The following PRICKLE2 variants were observed in gnomAD, a reference collection of about 807,000 sequenced individuals.
The protein encoded by PRICKLE2 is prickle planar cell polarity protein 2, also known as prickle-like protein 2.
A neutral mutation model predicts 81.4 loss-of-function variants in PRICKLE2; 21 were observed. That is an observed-to-expected ratio of 0.26 (90% CI 0.18 to 0.37). The LOEUF (loss-of-function observed/expected upper bound fraction) is 0.37. PRICKLE2 is among the 10% of genes least tolerant of loss of function. The pLI is 1.00. For synonymous variants in PRICKLE2, 456 were observed against 421.5 expected (o/e 1.08, Z -1.00); for missense variants, 940 against 1,109.0 (o/e 0.85, Z 2.16).
Position 64,098,951 on chromosome 3 carries a change from A to C in PRICKLE2, c.*100T>G. On this transcript the variant is annotated 3_prime_UTR_variant, in exon 8 of 8. Transcript: ENST00000638394. Reference sequence around the variant, plus strand: ...GACAGCATTTTCCCTTTTCTCCCCCATAAGCCACCCCCAAAAGCGCTTTAA... The same window carrying C: ...GACAGCATTTTCCCTTTTCTCCCCCCTAAGCCACCCCCAAAAGCGCTTTAA... 1 of 1,443,188 alleles carries C rather than the reference A, an allele frequency of 6.9e-7. No individual in the cohort carries two copies. Among genetic ancestry groups the C allele is most frequent in the African/African-American group, 1.4e-5 (1 of 71,356 alleles). 89.4% of individuals were successfully genotyped at this position (1,443,188 alleles called of 1,614,324 possible).
chr3:64,257,535 G>C (rs1377075922), intron 2 of PRICKLE2, among the ~76,000 whole-genome samples: 1 of 152,222 alleles, frequency 6.6e-6, no homozygotes, highest in East Asian at 1.9e-4. Context: ...AGGTGGCCCT[G>C]AGTGGGATGC....
intron 2 of PRICKLE2, among the ~76,000 whole-genome samples, chr3:64,167,635 T>C (rs1405634106): frequency 6.6e-6 from 1 of 152,194 alleles, no homozygotes; most frequent in East Asian, 1.9e-4. Context: ...ACTGCACGTT[T>C]GATAGCATTT....
At chr3:64,162,728 T>A (rs1009781044) in intron 3 of PRICKLE2, among the ~76,000 whole-genome samples, 5 of 152,204 alleles carry the variant, frequency 3.3e-5, no homozygotes, top group African/African-American at 1.2e-4. Context: ...GTAAGAAAAC[T>A]TGGAATCATA....
At chr3:64,236,663 A>G (rs1054738489) in intron 2 of PRICKLE2, among the ~76,000 whole-genome samples, 5 of 152,248 alleles carry the variant, frequency 3.3e-5, no homozygotes, top group Admixed American at 3.3e-4. Context: ...TTTGAAAGAA[A>G]GTCCTGCTAT....
intron 7 of PRICKLE2, among the ~76,000 whole-genome samples, chr3:64,115,269 T>C (rs934261498): frequency 1.3e-5 from 2 of 152,126 alleles, no homozygotes; most frequent in Non-Finnish European, 2.9e-5. Flanking sequence ...CAGACCAGTG[T>C]CACTGTAAAG....
Position 64,098,925 on chromosome 3 carries a change from T to C in PRICKLE2, c.*126A>G, listed in dbSNP as rs564042796. 2.0e-5 allele frequency: 21 copies of C among 1,063,208 alleles called. No individual in the cohort carries two copies. In the South Asian group the frequency reaches 2.1e-4, roughly 10 times the overall value. The allele number at this position is 1,063,208 out of a possible 1,614,324, so 65.9% of individuals were successfully genotyped here. On this transcript the variant is annotated 3_prime_UTR_variant, in exon 8 of 8. Transcript: ENST00000638394. ...AACCTGTAACCTTGCCTCCATCTAC[T>C]GACAGCATTTTCCCTTTTCTCCCCC... is the stretch of plus-strand genomic sequence containing the variant.
At chr3:64,129,721 C>T (rs1238568665) in intron 7 of PRICKLE2, among the ~76,000 whole-genome samples, 5 of 151,888 alleles carry the variant, frequency 3.3e-5, no homozygotes, top group East Asian at 3.9e-4. Context: ...GGCTGAGACT[C>T]GGCTTTAATG....
intron 2 of PRICKLE2, among the ~76,000 whole-genome samples, chr3:64,195,204 A>T (rs2078428069): frequency 6.6e-6 from 1 of 152,194 alleles, no homozygotes; most frequent in Non-Finnish European, 1.5e-5. Flanking sequence ...GTCATTAGAG[A>T]TCACAAGATA....
At position 64,099,505 on chromosome 3, in the gene PRICKLE2, C is replaced by T. The variant is rs972558675; in HGVS notation, c.2081G>A (p.Arg694His). ...GGCCAGGTGGAGGGCGTTGTCGGAG[C>T]GAGAGCGTCGGGAACGCCTGGACCT... ...PHRSRRSRRS[R>H]SDNALHLASE... is the part of the protein sequence containing the mutation. The change falls in exon 8 of 8, where the codon CGC becomes CAC. Residue 694 changes from arginine to histidine, a missense_variant. This residue lies in a region of PRICKLE2 where 670 missense variants were observed against 717.2 expected (regional missense o/e 0.93). Coordinates refer to ENST00000638394, the MANE Select transcript of PRICKLE2 (RefSeq NM_198859.4). This position sits in a 1 kb window ranked among gnomAD's most constrained non-coding sequence, Gnocchi z 4.3. 3 of 1,597,984 alleles carry T rather than the reference C, an allele frequency of 1.9e-6. No homozygotes were observed. Among genetic ancestry groups the T allele is most frequent in the African/African-American group, 1.3e-5 (1 of 74,734 alleles).
chr3:64,232,401 G>A (rs1266406303), intron 2 of PRICKLE2, among the ~76,000 whole-genome samples: 1 of 152,216 alleles, frequency 6.6e-6, no homozygotes, highest in Non-Finnish European at 1.5e-5. Context: ...GATTATTCCT[G>A]TAAGAATACC....
At chr3:64,120,487 G>C (rs1443035628) in intron 7 of PRICKLE2, among the ~76,000 whole-genome samples, 1 of 152,054 alleles carries the variant, frequency 6.6e-6, no homozygotes, top group Non-Finnish European at 1.5e-5. Flanking sequence ...CAGTGATGGA[G>C]GCAAGAATCA....
At chr3:64,103,716 A>G (rs879277294) in intron 7 of PRICKLE2, among the ~76,000 whole-genome samples, 1 of 152,220 alleles carries the variant, frequency 6.6e-6, no homozygotes, top group Non-Finnish European at 1.5e-5. Context: ...GTGGTGGCTC[A>G]TGCCTGTAAT....
chr3:64,109,765 T>C (rs757170565), intron 7 of PRICKLE2, among the ~76,000 whole-genome samples: 6 of 152,172 alleles, frequency 3.9e-5, no homozygotes, highest in African/African-American at 1.2e-4. Flanking sequence ...TTCCCAACAA[T>C]AGCGGCTTTG....
chr3:64,255,871 T>C (rs2079517671), intron 2 of PRICKLE2, among the ~76,000 whole-genome samples: 1 of 152,212 alleles, frequency 6.6e-6, no homozygotes, highest in Non-Finnish European at 1.5e-5. Flanking sequence ...AGTATCTGTA[T>C]ACTGCTTCCC....
In PRICKLE2 at chr3:64,225,407, A is replaced by G. The variant is rs2079017494; in HGVS notation, c.-538T>C. The G allele has an allele frequency of 1.0e-6, 1 of 985,310 alleles. No individual in the cohort carries two copies. 61.0% of individuals were successfully genotyped at this position (985,310 alleles called of 1,614,324 possible). Reference sequence around the variant, plus strand: ...AACCAGGAAATGTGCTGCTTGGTCAAAAAATAATAATAACTCTCGGTGGCG... The same window carrying G: ...AACCAGGAAATGTGCTGCTTGGTCAGAAAATAATAATAACTCTCGGTGGCG... On this transcript the variant is annotated 5_prime_UTR_variant, in exon 1 of 8. Transcript: ENST00000638394.
At chr3:64,166,158 TC>T (rs1559552156) in intron 2 of PRICKLE2, among the ~76,000 whole-genome samples, 1 of 152,136 alleles carries the variant, frequency 6.6e-6, no homozygotes, top group Non-Finnish European at 1.5e-5. Context: ...TCTCTTCTCT[TC>T]CTGCAGATCT....
intron 7 of PRICKLE2, among the ~76,000 whole-genome samples, chr3:64,111,782 G>T (rs757222052): frequency 6.6e-6 from 1 of 152,176 alleles, no homozygotes; most frequent in African/African-American, 2.4e-5. Flanking sequence ...GCGGCTGGGA[G>T]GGGGCATGAG....
intron 7 of PRICKLE2, among the ~76,000 whole-genome samples, chr3:64,142,313 C>CT (rs397936636): frequency 0.13 from 17,523 of 132,700 alleles, 1,265 homozygotes; most frequent in African/African-American, 0.15. Flanking sequence ...TTCTTTCTTT[C>CT]TTTTTTTTTT....
chr3:64,157,481 G>GGAA, intron 4 of PRICKLE2, 116 bp from the exon 5 acceptor site: 1 of 1,048,382 alleles, frequency 9.5e-7, no homozygotes, highest in Non-Finnish European at 1.4e-6. Flanking sequence ...GTTCAAAGCA[G>GGAA]TCACTATGCT....
Sources: gnomAD v4.1 joint callset for allele counts (sites outside exome capture counted in the v4.1 genomes callset) on GRCh38, gnomAD v4.1.1 for gene constraint, gnomAD v4.1.1 regional missense constraint, Gnocchi (gnomAD v3.1) non-coding constraint, MANE v1.5 for transcripts, NCBI Gene and HGNC (gene_info 2026-07-23, HGNC 2026-07-21) for gene names.